CTBP1: variants seen among roughly 807,000 people sequenced by gnomAD.
CTBP1 encodes C-terminal binding protein 1.
Under a neutral mutation model 42.1 loss-of-function variants are expected in CTBP1, and 11 were observed. The observed-to-expected ratio is 0.26, with a 90% confidence interval of 0.16 to 0.43. The LOEUF (loss-of-function observed/expected upper bound fraction) is 0.43, where lower values mean the gene tolerates loss of function less well. Among genes scored for constraint, CTBP1 ranks in the 20% least tolerant of loss-of-function variants. The probability of loss-of-function intolerance (pLI) is 1.00; values close to 1 mark genes in which losing one functional copy is unlikely to be tolerated. For missense variants in CTBP1, 399 were observed against 624.3 expected (o/e 0.64, Z 3.85); for synonymous variants, 324 against 277.1 (o/e 1.17, Z -1.68).
intron 5 of CTBP1, chr4:1,217,670 C>T (rs1046645393): frequency 1.3e-5 from 2 of 152,248 alleles, no homozygotes; most frequent in Admixed American, 6.5e-5. Flanking sequence ...GGGAGAGCAG[C>T]GGCTGTTCGG....
At chr4:1,230,805 G>A (rs1329582485) in intron 3 of CTBP1, among the ~76,000 whole-genome samples, 3 of 152,196 alleles carry the variant, frequency 2.0e-5, no homozygotes, top group Non-Finnish European at 4.4e-5. Flanking sequence ...TTCCTGCATC[G>A]GCTCTTCCGT....
intron 5 of CTBP1, among the ~76,000 whole-genome samples, chr4:1,224,396 T>TA (rs1730092627): frequency 6.6e-6 from 1 of 150,830 alleles, no homozygotes; most frequent in African/African-American, 2.4e-5. Context: ...CAGGCCTGTG[T>TA]GAGACCCATG....
chr4:1,242,714 CACCTGCGCCTGAGCCCCCATG>C lies in CTBP1; in HGVS notation c.-188-1216_-188-1196del. On this transcript the variant is annotated intron_variant, in intron 1 of 9. Coordinates refer to ENST00000382952, the MANE Select transcript of CTBP1 (RefSeq NM_001012614.2). ...CAACACTGTGGAGCGGGATCCCCAT[CACCTGCGCCTGAGCCCCCATG>C]ACCTGCGCTGCAGCCTCCTGCCCTG... 4 of 985,150 alleles carry C rather than the reference CACCTGCGCCTGAGCCCCCATG, an allele frequency of 4.1e-6. No homozygotes were observed. In the South Asian group the frequency reaches 1.9e-4, roughly 46 times the overall value. 61.0% of individuals were successfully genotyped at this position (985,150 alleles called of 1,614,324 possible).
chr4:1,226,467 G>A (rs1286841496), intron 4 of CTBP1, among the ~76,000 whole-genome samples: 2 of 151,862 alleles, frequency 1.3e-5, no homozygotes, highest in African/African-American at 2.4e-5. Flanking sequence ...GTGGGGCGGC[G>A]CAGGCAGGGG....
chr4:1,226,900 G>A (rs543726579), intron 4 of CTBP1, among the ~76,000 whole-genome samples: 74 of 152,048 alleles, frequency 4.9e-4, no homozygotes, highest in Non-Finnish European at 6.0e-4. Context: ...TGCGTCCCCC[G>A]CAGGAACACA....
intron 5 of CTBP1, among the ~76,000 whole-genome samples, chr4:1,220,894 C>G (rs1185522040): frequency 6.6e-6 from 1 of 152,222 alleles, no homozygotes; most frequent in Non-Finnish European, 1.5e-5. Flanking sequence ...GAACCTGTTA[C>G]CCGGATGACC....
At chr4:1,244,152 C>G (rs929218538) in intron 1 of CTBP1, 5 of 985,228 alleles carry the variant, frequency 5.1e-6, no homozygotes, top group Non-Finnish European at 6.0e-6. Context: ...TGTCAACGCC[C>G]TGTCTCTGGA....
At chr4:1,227,406 T>C (rs1730473798) in intron 4 of CTBP1, among the ~76,000 whole-genome samples, 1 of 125,158 alleles carries the variant, frequency 8.0e-6, no homozygotes, top group African/African-American at 3.1e-5. Flanking sequence ...CTGTGTGTGT[T>C]CTGTGTGCTG....
intron 7 of CTBP1, 144 bp downstream of exon 7, chr4:1,214,199 G>T: frequency 9.0e-7 from 1 of 1,105,514 alleles, no homozygotes; most frequent in Admixed American, 3.8e-5. Context: ...ACCCCGCAGC[G>T]GGCGGCAAAC....
chr4:1,221,969 C>T (rs954034932), intron 5 of CTBP1: 9 of 310,144 alleles, frequency 2.9e-5, no homozygotes, highest in Non-Finnish European at 5.2e-5. Context: ...CCCTAGTCTG[C>T]GCCGAGTGGC....
chr4:1,238,340 G>T lies in CTBP1; in HGVS notation c.8-3C>A. Reference sequence around the variant, plus strand: ...GTTCATGATCGGAGGTCGGACGCCTGCAAGACAGAGGCAAGTGCTCAGCCT... The same window carrying T: ...GTTCATGATCGGAGGTCGGACGCCTTCAAGACAGAGGCAAGTGCTCAGCCT... On this transcript the variant is annotated splice_region_variant and splice_polypyrimidine_tract_variant and intron_variant, in intron 2 of 9. Transcript: ENST00000382952. This position sits in a 1 kb window ranked among gnomAD's most constrained non-coding sequence, Gnocchi z 5.9. The T allele has an allele frequency of 6.4e-7, 1 of 1,555,968 alleles. No homozygotes were observed. Among genetic ancestry groups the T allele is most frequent in the Non-Finnish European group, 8.7e-7 (1 of 1,148,384 alleles).
intron 3 of CTBP1, among the ~76,000 whole-genome samples, chr4:1,234,209 G>A (rs1171255342): frequency 2.6e-5 from 4 of 152,214 alleles, no homozygotes; most frequent in East Asian, 1.9e-4. Flanking sequence ...ACACAGCCCC[G>A]GGAGGTCACG....
rs191675239 is a variant in CTBP1, at chr4:1,224,998, T to C, written c.514+362A>G. 5.9e-3 allele frequency among the ~76,000 whole-genome samples: 903 copies of C among 152,100 alleles called. 5 individuals are homozygous for C. The highest frequency in any genetic ancestry group is 0.019 in the African/African-American group (806 of 41,468). On this transcript the variant is annotated intron_variant, in intron 5 of 9. Transcript: ENST00000382952. The stretch of plus-strand genomic sequence containing the variant: ...GTGAGGCTGTGTACTGTGACATCCG[T>C]GTGTTATCTATGTGCCCATGAAGCC...
At chr4:1,244,687 C>T (rs1264752608) in intron 1 of CTBP1, 22 of 985,328 alleles carry the variant, frequency 2.2e-5, no homozygotes, top group Admixed American at 6.1e-5. Flanking sequence ...GCTGGGTGGT[C>T]TCAGCGGCCC....
intron 5 of CTBP1, chr4:1,221,900 C>A: frequency 5.1e-6 from 2 of 394,268 alleles, no homozygotes; most frequent in Non-Finnish European, 1.0e-5. Context: ...AAGAAAGAAA[C>A]AAGAAGGAGA....
rs765543693 is a variant in CTBP1, at chr4:1,235,639, C to T, written c.162+2544G>A. ...CCCCGTTCCAGAGTCATCAGCTCTT[C>T]GTCGGTGTCTGGCCCAGCCTCCTGG... On this transcript the variant is annotated intron_variant, in intron 3 of 9. Transcript: ENST00000382952. This position sits in a 1 kb window ranked among gnomAD's most constrained non-coding sequence, Gnocchi z 4.2. 2 of 152,234 alleles carry T rather than the reference C, an allele frequency of 1.3e-5. No homozygotes were observed. The highest frequency in any genetic ancestry group is 4.8e-5 in the African/African-American group (2 of 41,456). 9.4% of individuals were successfully genotyped at this position (152,234 alleles called of 1,614,324 possible).
chr4:1,236,433 G>A (rs1731501564), intron 3 of CTBP1: 2 of 568,444 alleles, frequency 3.5e-6, no homozygotes, highest in East Asian at 2.9e-5. Flanking sequence ...TGGGGCCGGG[G>A]GAAGCACCTT....
chr4:1,224,174 C>A (rs1441500365), intron 5 of CTBP1, among the ~76,000 whole-genome samples: 1 of 152,178 alleles, frequency 6.6e-6, no homozygotes, highest in Non-Finnish European at 1.5e-5. Flanking sequence ...TATCTGCGTA[C>A]GTGCCCATGA....
At chr4:1,237,926 C>T (rs1468410915) in intron 3 of CTBP1, 1 of 701,502 alleles carries the variant, frequency 1.4e-6, no homozygotes, top group South Asian at 1.5e-5. Context: ...AACGTGGTGT[C>T]CACCTCCTGA....
Sources: allele counts gnomAD v4.1 joint callset (sites outside exome capture counted in the v4.1 genomes callset), GRCh38; gene constraint gnomAD v4.1.1; non-coding constraint Gnocchi (gnomAD v3.1); transcripts MANE v1.5; gene names NCBI Gene and HGNC (gene_info 2026-07-23, HGNC 2026-07-21).